MYRIP: variants seen among roughly 807,000 people sequenced by gnomAD.
MYRIP encodes myosin VIIA and Rab interacting protein.
Under a neutral mutation model 98.0 loss-of-function variants are expected in MYRIP, and 49 were observed. The ratio of observed to expected loss-of-function variants is 0.50; its 90% CI spans 0.40 to 0.63. The LOEUF (loss-of-function observed/expected upper bound fraction) is 0.63, where lower values mean the gene tolerates loss of function less well. Among genes scored for constraint, MYRIP ranks in the 30% least tolerant of loss-of-function variants. The pLI is 0.00. For synonymous variants in MYRIP, 404 were observed against 409.5 expected (o/e 0.99, Z 0.16); for missense variants, 1,004 against 1,058.2 (o/e 0.95, Z 0.71).
In MYRIP at chr3:39,912,075, C is replaced by A. The variant is rs188181132; in HGVS notation, c.110+11149C>A. Among the ~76,000 whole-genome samples, 191 of 152,268 alleles carry A rather than the reference C, an allele frequency of 1.3e-3. 2 individuals are homozygous for A. Among genetic ancestry groups the A allele is most frequent in the Non-Finnish European group, 8.7e-4 (59 of 68,030 alleles). ...AGGTTGCCTTAAATTGCCAGGAGAG[C>A]CAGCCTCCCTGGCCTGGTCCCAGCC... is the stretch of plus-strand genomic sequence containing the variant. On this transcript the variant is annotated intron_variant, in intron 2 of 16. Transcript: ENST00000302541.
At chr3:39,828,180 CAT>C (rs1323567549) in intron 1 of MYRIP, among the ~76,000 whole-genome samples, 1 of 151,960 alleles carries the variant, frequency 6.6e-6, no homozygotes, top group African/African-American at 2.4e-5. Flanking sequence ...ATATTTTCTA[CAT>C]GTTTCTTCTT....
intron 2 of MYRIP, among the ~76,000 whole-genome samples, chr3:40,022,484 C>A (rs530287317): frequency 7.2e-5 from 11 of 152,304 alleles, no homozygotes; most frequent in South Asian, 6.2e-4. Flanking sequence ...GGATGGAGCA[C>A]TCTTTACAGC....
intron 2 of MYRIP, among the ~76,000 whole-genome samples, chr3:39,923,083 A>G (rs1944339707): frequency 6.6e-6 from 1 of 152,214 alleles, no homozygotes; most frequent in African/African-American, 2.4e-5. Flanking sequence ...CTGAAGCTCA[A>G]TAGCAGAACA....
rs781659382 is a variant in MYRIP at position 40,170,133 on chromosome 3, C to T, written c.873+40C>T. The T allele has an allele frequency of 7.5e-6, 12 of 1,609,244 alleles. No homozygotes were observed. The South Asian group carries it at 1.3e-4, about 18-fold the overall frequency. On this transcript the variant is annotated intron_variant, in intron 8 of 16. Coordinates refer to ENST00000302541, the MANE Select transcript of MYRIP (RefSeq NM_015460.4). The stretch of plus-strand genomic sequence containing the variant: ...AGTGCTGGTCTACCCTCCACACGTG[C>T]AGGTCTGGGGCACACATTTAACCCT...
At chr3:39,834,235 T>C (rs1489943968) in intron 1 of MYRIP, among the ~76,000 whole-genome samples, 1 of 152,244 alleles carries the variant, frequency 6.6e-6, no homozygotes, top group African/African-American at 2.4e-5. Context: ...TAACCTTGTC[T>C]GTAGAATTTG....
In MYRIP at chr3:40,007,426, C is replaced by T. The variant is rs190508587; in HGVS notation, c.111-36624C>T. 1.6e-3 allele frequency among the ~76,000 whole-genome samples: 236 copies of T among 152,122 alleles called. 1 individual carries two copies. The highest frequency in any genetic ancestry group is 5.4e-3 in the African/African-American group (224 of 41,476). On this transcript the variant is annotated intron_variant, in intron 2 of 16. Transcript: ENST00000302541. ...GTTATGGGAGGAAAGGGAATAGAAA[C>T]GCCAACATACGTGAATGCTTCTGGC...
chr3:39,940,568 A>C (rs571591542), intron 2 of MYRIP, among the ~76,000 whole-genome samples: 1 of 152,200 alleles, frequency 6.6e-6, no homozygotes, highest in African/African-American at 2.4e-5. Flanking sequence ...TGTAAAATTT[A>C]TGGATTTAAT....
intron 1 of MYRIP, among the ~76,000 whole-genome samples, chr3:39,838,988 T>C (rs1258094040): frequency 6.6e-6 from 1 of 152,160 alleles, no homozygotes; most frequent in Non-Finnish European, 1.5e-5. Flanking sequence ...GATTTTCTAG[T>C]TTATGTGCAT....
At chr3:39,868,979 G>A (rs982941067) in intron 1 of MYRIP, among the ~76,000 whole-genome samples, 1 of 152,106 alleles carries the variant, frequency 6.6e-6, no homozygotes, top group African/African-American at 2.4e-5. Flanking sequence ...AGACAGAATT[G>A]AAAATATTCT....
At chr3:39,861,287 A>G (rs557440103) in intron 1 of MYRIP, among the ~76,000 whole-genome samples, 4 of 152,270 alleles carry the variant, frequency 2.6e-5, no homozygotes, top group African/African-American at 9.6e-5. Flanking sequence ...CTTACCTTAT[A>G]CCATAATCAA....
chr3:39,832,736 T>C (rs1490056193), intron 1 of MYRIP, among the ~76,000 whole-genome samples: 3 of 152,188 alleles, frequency 2.0e-5, no homozygotes, highest in Non-Finnish European at 4.4e-5. Context: ...GATTGAGCAG[T>C]AGGAATGTTG....
Position 39,868,809 on chromosome 3 carries a change from T to C in MYRIP, c.-30-31978T>C, listed in dbSNP as rs1942698762. Among the ~76,000 whole-genome samples, 4 of 152,218 alleles carry C rather than the reference T, an allele frequency of 2.6e-5. No homozygotes were observed. The South Asian group carries it at 8.3e-4, about 32-fold the overall frequency. ...AGCTCTCACACTGAAGTGTAAGTCTTTTTGGATATAAAATTATGGGTTGAT... is the reference window on the plus strand; with the variant it reads ...AGCTCTCACACTGAAGTGTAAGTCTCTTTGGATATAAAATTATGGGTTGAT... On this transcript the variant is annotated intron_variant, in intron 1 of 16. Transcript: ENST00000302541.
At chr3:39,967,684 A>G (rs1945472927) in intron 2 of MYRIP, among the ~76,000 whole-genome samples, 1 of 152,246 alleles carries the variant, frequency 6.6e-6, no homozygotes, top group Middle Eastern at 3.4e-3. Context: ...GGTTGAGCTA[A>G]TTTACACTCC....
At chr3:39,895,739 G>A (rs1253448835) in intron 1 of MYRIP, among the ~76,000 whole-genome samples, 1 of 152,042 alleles carries the variant, frequency 6.6e-6, no homozygotes, top group Middle Eastern at 3.2e-3. Flanking sequence ...AAGTTCACCT[G>A]GGGACATAAA....
At chr3:39,816,163 G>A (rs1174689463) in intron 1 of MYRIP, among the ~76,000 whole-genome samples, 1 of 151,222 alleles carries the variant, frequency 6.6e-6, no homozygotes, top group Non-Finnish European at 1.5e-5. Context: ...CTCACTGCAA[G>A]CTCCGCCTCC....
intron 2 of MYRIP, among the ~76,000 whole-genome samples, chr3:39,968,170 T>G (rs1207015046): frequency 6.6e-6 from 1 of 151,938 alleles, no homozygotes. Flanking sequence ...AGGATGGTAT[T>G]GCCTAGGTTG....
intron 3 of MYRIP, among the ~76,000 whole-genome samples, chr3:40,095,659 A>G (rs1449036167): frequency 7.2e-5 from 11 of 152,080 alleles, no homozygotes; most frequent in Non-Finnish European, 1.5e-5. Flanking sequence ...GCCACCCCCA[A>G]TGCAGAGACA....
At chr3:40,177,290 T>C (rs568580840) in intron 8 of MYRIP, among the ~76,000 whole-genome samples, 12 of 152,176 alleles carry the variant, frequency 7.9e-5, no homozygotes, top group African/African-American at 2.9e-4. Context: ...AGGGCTTCCA[T>C]ATGACCAGAA....
At chr3:39,852,208 T>A (rs529943811) in intron 1 of MYRIP, among the ~76,000 whole-genome samples, 1 of 152,110 alleles carries the variant, frequency 6.6e-6, no homozygotes, top group African/African-American at 2.4e-5. Context: ...CCCTTCCCAA[T>A]TGTGGAGCCC....
Sources: gnomAD v4.1 joint callset for allele counts (sites outside exome capture counted in the v4.1 genomes callset) on GRCh38, gnomAD v4.1.1 for gene constraint, MANE v1.5 for transcripts, NCBI Gene and HGNC (gene_info 2026-07-23, HGNC 2026-07-21) for gene names.